The following SLC5A11 variants were observed in gnomAD, a reference collection of about 807,000 sequenced individuals.
SLC5A11 encodes solute carrier family 5 member 11, also known as sodium/myo-inositol cotransporter 2.
In SLC5A11, 48 loss-of-function variants were observed where a neutral mutation model predicts 69.8. The observed-to-expected ratio is 0.69, with a 90% confidence interval of 0.55 to 0.87. The LOEUF is 0.87. SLC5A11 is among the 40% of genes least tolerant of loss of function. The pLI is 0.00. For missense variants in SLC5A11, 784 were observed against 866.1 expected (o/e 0.91, Z 1.19); for synonymous variants, 319 against 342.4 (o/e 0.93, Z 0.75).
chr16:24,864,209 C>T (rs151180267), intron 3 of SLC5A11, among the ~76,000 whole-genome samples: 19 of 152,206 alleles, frequency 1.2e-4, no homozygotes, highest in Middle Eastern at 3.4e-3. Context: ...AGAAAAGTCC[C>T]GAGAAAGCCC....
At chr16:24,856,185 T>A (rs1442387851) in intron 1 of SLC5A11, among the ~76,000 whole-genome samples, 1 of 152,204 alleles carries the variant, frequency 6.6e-6, no homozygotes, top group Non-Finnish European at 1.5e-5. Context: ...AGGCCTGAAA[T>A]TCTAGACTTC....
rs144663143 is a variant in SLC5A11 at position 24,847,268 on chromosome 16, CCT to C, written c.-25+835_-25+836del. ...TCTTTCCTTCCTTCCCTCCCTCCCA[CCT>C]CTCTGTTTCTCTTTCTTTTCCCTTT... On this transcript the variant is annotated intron_variant, in intron 1 of 15. Transcript: ENST00000347898. 7.0e-3 allele frequency among the ~76,000 whole-genome samples: 1,048 copies of C among 150,350 alleles called. 9 individuals carry two copies. The highest frequency in any genetic ancestry group is 8.2e-3 in the Non-Finnish European group (552 of 67,664).
intron 7 of SLC5A11, among the ~76,000 whole-genome samples, chr16:24,879,485 C>T (rs949391381): frequency 6.6e-6 from 1 of 152,082 alleles, no homozygotes; most frequent in Non-Finnish European, 1.5e-5. Context: ...TCCTGTAATC[C>T]CAGCACTTTG....
intron 4 of SLC5A11, among the ~76,000 whole-genome samples, chr16:24,871,013 A>AT (rs1428799320): frequency 6.6e-6 from 1 of 152,108 alleles, no homozygotes; most frequent in Non-Finnish European, 1.5e-5. Context: ...TTGGGATATG[A>AT]TTTTTACTGG....
intron 9 of SLC5A11, among the ~76,000 whole-genome samples, chr16:24,895,548 A>G (rs2049099112): frequency 7.2e-6 from 1 of 138,734 alleles, no homozygotes; most frequent in Admixed American, 7.8e-5. Context: ...GAAAGAAGAA[A>G]GGAGAGGACA....
chr16:24,880,447 G>A lies in SLC5A11; in HGVS notation c.583+3084G>A, dbSNP rs144541153. On this transcript the variant is annotated intron_variant, in intron 7 of 15. Coordinates refer to ENST00000347898, the Ensembl canonical transcript of SLC5A11. The stretch of plus-strand genomic sequence containing the variant: ...CCTCCTGGGTTCAAGCAATTCTCCT[G>A]CCTCAGCCTCCCAAATAGCTGGGAT... Among the ~76,000 whole-genome samples the A allele has an allele frequency of 5.6e-4, 85 of 152,238 alleles. 1 individual carries two copies. Among genetic ancestry groups the A allele is most frequent in the Admixed American group, 1.4e-3 (22 of 15,278 alleles).
intron 1 of SLC5A11, among the ~76,000 whole-genome samples, chr16:24,847,355 T>C (rs910530831): frequency 1.3e-5 from 2 of 151,256 alleles, no homozygotes; most frequent in African/African-American, 4.9e-5. Context: ...TTTCTTTCCC[T>C]TTCTCCTTCC....
chr16:24,850,554 C>T (rs1406248257), intron 1 of SLC5A11, among the ~76,000 whole-genome samples: 5 of 152,116 alleles, frequency 3.3e-5, no homozygotes, highest in Non-Finnish European at 5.9e-5. Flanking sequence ...TGATGAGACC[C>T]GTGCCAGTCC....
At chr16:24,910,381 T>A (rs773461715) in exon 15 of SLC5A11, 4 of 1,614,080 alleles carry the variant, frequency 2.5e-6, no homozygotes, top group Non-Finnish European at 3.4e-6. Context: ...AGCTCCCTTG[T>A]CTCTTACCCT....
intron 2 of SLC5A11, chr16:24,859,419 C>G (rs2059669344): frequency 6.6e-6 from 1 of 152,124 alleles, no homozygotes; most frequent in South Asian, 2.1e-4. Flanking sequence ...GGATTACAAA[C>G]AGCCCAACTG....
chr16:24,867,095 C>T (rs2046966493), intron 3 of SLC5A11, among the ~76,000 whole-genome samples: 1 of 152,122 alleles, frequency 6.6e-6, no homozygotes, highest in Admixed American at 6.5e-5. Flanking sequence ...CTTAAGTGCA[C>T]ATGGAACATT....
chr16:24,846,174 C>T (rs1208301736), exon 1 of SLC5A11: 1 of 152,512 alleles, frequency 6.6e-6, no homozygotes, highest in African/African-American at 2.4e-5. Context: ...TGGGCTGGGC[C>T]CCGTTCTCTC....
chr16:24,849,591 A>ACATATATATATATATAT (rs60683631), intron 1 of SLC5A11, among the ~76,000 whole-genome samples: 3 of 57,494 alleles, frequency 5.2e-5, no homozygotes, highest in Admixed American at 1.8e-4. Flanking sequence ...AAAAAAAAAA[A>ACATATATATATATATAT]AAATATATAT....
exon 10 of SLC5A11, chr16:24,898,070 A>G (rs1315338686): frequency 1.2e-6 from 2 of 1,614,142 alleles, no homozygotes; most frequent in Admixed American, 1.7e-5. Context: ...CCTCTTCATA[A>G]TGGTGTTCCC....
chr16:24,908,418 G>T (rs1180576576), intron 13 of SLC5A11, among the ~76,000 whole-genome samples: 1 of 152,000 alleles, frequency 6.6e-6, no homozygotes, highest in Non-Finnish European at 1.5e-5. Flanking sequence ...GGCCAACATG[G>T]TGAAAGCCCA....
At chr16:24,872,186 C>T in exon 5 of SLC5A11, 1 of 1,614,134 alleles carries the variant, frequency 6.2e-7, no homozygotes, top group Non-Finnish European at 8.5e-7. Flanking sequence ...TGATGTTGGC[C>T]TGGATCTTCC....
At chr16:24,894,637 T>TA (rs1194493464) in intron 9 of SLC5A11, among the ~76,000 whole-genome samples, 1 of 151,118 alleles carries the variant, frequency 6.6e-6, no homozygotes, top group Non-Finnish European at 1.5e-5. Flanking sequence ...CCGTCTCTAC[T>TA]AAAAATACAA....
chr16:24,863,897 G>A (rs1157808177), intron 3 of SLC5A11, among the ~76,000 whole-genome samples: 1 of 152,084 alleles, frequency 6.6e-6, no homozygotes, highest in African/African-American at 2.4e-5. Flanking sequence ...TCTAAAAAAG[G>A]TCACTGTTTT....
At chr16:24,902,546 C>CTTT (rs35191056) in intron 10 of SLC5A11, among the ~76,000 whole-genome samples, 30 of 130,246 alleles carry the variant, frequency 2.3e-4, no homozygotes, top group Middle Eastern at 4.1e-3. Context: ...CCAATCAAGT[C>CTTT]TTTTTTTTTT....
Sources: gnomAD v4.1 joint callset for allele counts (sites outside exome capture counted in the v4.1 genomes callset) on GRCh38, gnomAD v4.1.1 for gene constraint, MANE v1.5 for transcripts, NCBI Gene and HGNC (gene_info 2026-07-23, HGNC 2026-07-21) for gene names.